Variants in FRMD4A observed in about 807,000 individuals in gnomAD.
The protein encoded by FRMD4A is FERM domain containing 4A, also known as FERM domain-containing protein 4A.
A neutral mutation model predicts 129.1 loss-of-function variants in FRMD4A; 29 were observed. The observed-to-expected ratio is 0.22, with a 90% CI of 0.17 to 0.31. FRMD4A has a LOEUF of 0.31. FRMD4A is among the 10% of genes least tolerant of loss of function. FRMD4A has a pLI of 1.00. For missense variants in FRMD4A, 1,272 were observed against 1,375.8 expected (o/e 0.92, Z 1.19); for synonymous variants, 634 against 571.6 (o/e 1.11, Z -1.56).
chr10:14,041,553 C>T (rs1833779081), intron 2 of FRMD4A, among the ~76,000 whole-genome samples: 2 of 152,136 alleles, frequency 1.3e-5, no homozygotes, highest in Admixed American at 6.5e-5. Flanking sequence ...TGCGTCTAGG[C>T]GTATACCCAA....
At chr10:13,720,786 A>G (rs10796116) in intron 12 of FRMD4A, among the ~76,000 whole-genome samples, 52,323 of 152,012 alleles carry the variant, frequency 0.34, 9,605 homozygotes, top group East Asian at 0.49. Context: ...GAAAAGGATG[A>G]CTGCAGATAC....
At chr10:13,865,170 T>C (rs561919024) in intron 2 of FRMD4A, among the ~76,000 whole-genome samples, 2 of 152,214 alleles carry the variant, frequency 1.3e-5, no homozygotes, top group Admixed American at 6.5e-5. Context: ...CCTTGTTCCT[T>C]GTCTGTACAA....
intron 9 of FRMD4A, among the ~76,000 whole-genome samples, chr10:13,743,637 G>T (rs905499909): frequency 6.6e-6 from 1 of 152,114 alleles, no homozygotes; most frequent in Admixed American, 6.5e-5. Flanking sequence ...CTGGGTGGCC[G>T]ACAGCAGCAG....
chr10:13,912,723 G>T (rs60223176), intron 2 of FRMD4A, among the ~76,000 whole-genome samples: 110,166 of 151,354 alleles, frequency 0.73, 40,561 homozygotes, highest in South Asian at 0.84. Flanking sequence ...TAGAGACGGG[G>T]TTTCACCGTG....
intron 18 of FRMD4A, among the ~76,000 whole-genome samples, chr10:13,665,697 C>T (rs2082973591): frequency 6.6e-6 from 1 of 152,194 alleles, no homozygotes; most frequent in Admixed American, 6.5e-5. Context: ...ACAGGGATCA[C>T]TGCTGCTGTG....
Position 13,872,184 on chromosome 10 carries a change from C to T in FRMD4A, c.46-13272G>A, listed in dbSNP as rs188240742. Among the ~76,000 whole-genome samples the T allele has an allele frequency of 9.3e-4, 141 of 152,074 alleles. 2 individuals are homozygous for T. Among genetic ancestry groups the T allele is most frequent in the African/African-American group, 3.2e-3 (133 of 41,376 alleles). On this transcript the variant is annotated intron_variant, in intron 2 of 24. Transcript: ENST00000357447. ...TGCTCCCTGCTCCTATAGGAAGGCC[C>T]GGGGGCGCTGCAGGTCTCTGTCCCC...
At chr10:13,835,472 C>T (rs1414407060) in intron 3 of FRMD4A, among the ~76,000 whole-genome samples, 1 of 152,098 alleles carries the variant, frequency 6.6e-6, no homozygotes, top group Non-Finnish European at 1.5e-5. Context: ...GGCGGTGAGT[C>T]GCAGGAGAGT....
At chr10:13,682,056 C>T (rs1004162042) in intron 15 of FRMD4A, among the ~76,000 whole-genome samples, 106 of 120,178 alleles carry the variant, frequency 8.8e-4, no homozygotes, top group African/African-American at 2.5e-3. Flanking sequence ...CTTGTCTCTA[C>T]AAAAATTAAA....
intron 2 of FRMD4A, among the ~76,000 whole-genome samples, chr10:14,149,509 T>C (rs1197981741): frequency 6.6e-6 from 1 of 151,856 alleles, no homozygotes; most frequent in African/African-American, 2.4e-5. Flanking sequence ...TGGGTAGTTT[T>C]TGTATTTTTT....
chr10:13,702,291 C>G (rs192196995), intron 13 of FRMD4A, among the ~76,000 whole-genome samples: 3 of 152,064 alleles, frequency 2.0e-5, no homozygotes, highest in African/African-American at 4.8e-5. Context: ...CTCTAACTCC[C>G]GGCCTCAGGT....
intron 2 of FRMD4A, among the ~76,000 whole-genome samples, chr10:14,191,430 A>G (rs1397454762): frequency 6.6e-6 from 1 of 152,132 alleles, no homozygotes; most frequent in Non-Finnish European, 1.5e-5. Flanking sequence ...AGGGACAGCC[A>G]TAGTTTACAA....
intron 2 of FRMD4A, among the ~76,000 whole-genome samples, chr10:13,975,100 T>C (rs1489307625): frequency 6.6e-6 from 1 of 151,932 alleles, no homozygotes; most frequent in Non-Finnish European, 1.5e-5. Flanking sequence ...GGTATGTGTG[T>C]GTGTGCCTGG....
intron 2 of FRMD4A, among the ~76,000 whole-genome samples, chr10:14,266,215 C>G (rs1181515008): frequency 6.6e-6 from 1 of 151,972 alleles, no homozygotes; most frequent in Non-Finnish European, 1.5e-5. Context: ...CAGCATACCT[C>G]ATCTCTACCG....
chr10:14,108,422 G>A (rs1837698087), intron 2 of FRMD4A, among the ~76,000 whole-genome samples: 1 of 152,212 alleles, frequency 6.6e-6, no homozygotes, highest in African/African-American at 2.4e-5. Flanking sequence ...GCACACTTGA[G>A]AAGTAGTATT....
intron 2 of FRMD4A, among the ~76,000 whole-genome samples, chr10:14,281,167 T>G (rs1181627653): frequency 2.0e-5 from 3 of 151,904 alleles, no homozygotes; most frequent in Non-Finnish European, 2.9e-5. Context: ...TAATTTTGTA[T>G]TTTTAGTAGA....
chr10:14,225,469 G>C (rs1380551822), intron 2 of FRMD4A, among the ~76,000 whole-genome samples: 1 of 152,200 alleles, frequency 6.6e-6, no homozygotes, highest in Admixed American at 6.5e-5. Flanking sequence ...TTTGCATGAA[G>C]TGGGTCATCT....
chr10:14,288,437 AC>A (rs1316267086), intron 2 of FRMD4A, among the ~76,000 whole-genome samples: 1 of 152,164 alleles, frequency 6.6e-6, no homozygotes, highest in Non-Finnish European at 1.5e-5. Context: ...ATTTAGACTT[AC>A]CACGGTCTAA....
At position 14,245,329 on chromosome 10, in the gene FRMD4A, T is replaced by C. The variant is rs1248204680; in HGVS notation, c.45+84729A>G. ...AGGTATGGGCAGGTTATTTGTCCTT[T>C]CTATAGTTTCCTCTTGTGCAAAATG... On this transcript the variant is annotated intron_variant, in intron 2 of 24. Coordinates refer to ENST00000357447, the MANE Select transcript of FRMD4A (RefSeq NM_018027.5). Among the ~76,000 whole-genome samples, 3 of 152,350 alleles carry C rather than the reference T, an allele frequency of 2.0e-5. No homozygotes were observed. In the East Asian group the frequency reaches 5.8e-4, roughly 29 times the overall value.
intron 12 of FRMD4A, 87 bp downstream of exon 12, chr10:13,737,757 A>G (rs2090727245): frequency 2.7e-6 from 2 of 741,024 alleles, no homozygotes; most frequent in Non-Finnish European, 4.8e-6. Flanking sequence ...TTTAGGCTGC[A>G]TGGCGTTAGC....
Sources: gnomAD v4.1 joint callset for allele counts (sites outside exome capture counted in the v4.1 genomes callset) on GRCh38, gnomAD v4.1.1 for gene constraint, MANE v1.5 for transcripts, NCBI Gene and HGNC (gene_info 2026-07-23, HGNC 2026-07-21) for gene names.